The following STPG2 variants were observed in gnomAD, a reference collection of about 807,000 sequenced individuals.
STPG2 encodes the protein sperm-tail PG-rich repeat-containing protein 2.
STPG2 carries 56 observed loss-of-function variants against 54.2 expected under a neutral mutation model. The observed-to-expected ratio is 1.03, with a 90% CI of 0.83 to 1.29. STPG2 has a LOEUF of 1.29. STPG2 is among the 50% of genes most tolerant of loss of function. STPG2 has a pLI of 0.00. For missense variants in STPG2, 596 were observed against 544.9 expected, an observed-to-expected ratio of 1.09 and a Z score of -0.93; for synonymous variants, 200 against 181.8, an observed-to-expected ratio of 1.10 and a Z score of -0.81.
At chr4:97,837,265 T>C (rs1413236153) in intron 9 of STPG2, among the ~76,000 whole-genome samples, 1 of 151,726 alleles carries the variant, frequency 6.6e-6, no homozygotes, top group African/African-American at 2.4e-5. Context: ...ATGGCATGAA[T>C]GCTTGAAACA....
At chr4:97,950,806 A>G (rs745866567) in intron 7 of STPG2, among the ~76,000 whole-genome samples, 4 of 152,194 alleles carry the variant, frequency 2.6e-5, no homozygotes, top group Non-Finnish European at 5.9e-5. Context: ...CCCTTTTCCA[A>G]AACAAACACC....
At chr4:97,812,695 G>C (rs1229375161) in intron 9 of STPG2, among the ~76,000 whole-genome samples, 1 of 152,094 alleles carries the variant, frequency 6.6e-6, no homozygotes, top group Admixed American at 6.6e-5. Context: ...CAGTAGCTTA[G>C]TTCTAGGCCC....
intron 8 of STPG2, among the ~76,000 whole-genome samples, chr4:97,903,748 T>G (rs1280768973): frequency 1.3e-5 from 2 of 152,142 alleles, no homozygotes; most frequent in African/African-American, 2.4e-5. Flanking sequence ...GCGCAAACTG[T>G]GCAGGAGCCG....
chr4:97,584,770 G>GA lies in STPG2; in HGVS notation c.1321-25654dup, dbSNP rs897380037. Among the ~76,000 whole-genome samples, 19 of 151,546 alleles carry GA rather than the reference G, an allele frequency of 1.3e-4. 1 individual carries two copies. Among genetic ancestry groups the GA allele is most frequent in the Admixed American group, 6.6e-4 (10 of 15,144 alleles). On this transcript the variant is annotated intron_variant, in intron 10 of 10. Coordinates refer to ENST00000295268, the MANE Select transcript of STPG2 (RefSeq NM_174952.3). ...ACCTCAAGTAAATCTAGAGGAGATGGAAAAAATCCTCCAAATATACAACCC... is the reference window on the plus strand; with the variant it reads ...ACCTCAAGTAAATCTAGAGGAGATGGAAAAAAATCCTCCAAATATACAACCC...
chr4:98,018,184 C>T (rs1206995289), intron 5 of STPG2, among the ~76,000 whole-genome samples: 1 of 151,176 alleles, frequency 6.6e-6, no homozygotes, highest in Non-Finnish European at 1.5e-5. Flanking sequence ...CACCCCACAA[C>T]AGTCCCCAGA....
chr4:97,905,896 T>C (rs1731395061), intron 8 of STPG2, among the ~76,000 whole-genome samples: 1 of 152,008 alleles, frequency 6.6e-6, no homozygotes, highest in Admixed American at 6.6e-5. Flanking sequence ...TAGAACTAAA[T>C]GCCCACAAGA....
intron 3 of STPG2, 27 bp from the exon 4 acceptor site, chr4:98,109,332 G>A (rs766991631): frequency 1.3e-6 from 2 of 1,518,048 alleles, no homozygotes; most frequent in South Asian, 1.2e-5. Flanking sequence ...TTTAAAAAGT[G>A]AGGATGAAAC....
downstream of STPG2, among the ~76,000 whole-genome samples, chr4:97,557,941 C>A (rs1409156004): frequency 6.6e-6 from 1 of 152,192 alleles, no homozygotes; most frequent in Admixed American, 6.5e-5. Flanking sequence ...AGCAAAGTGA[C>A]ATACACAAAT....
chr4:97,982,907 G>C (rs932622617), intron 5 of STPG2, among the ~76,000 whole-genome samples: 1 of 152,070 alleles, frequency 6.6e-6, no homozygotes, highest in African/African-American at 2.4e-5. Flanking sequence ...GTCTTCACTG[G>C]TAATTTTAAT....
chr4:97,484,753 C>T (rs947531153), intron 4 of STPG2, among the ~76,000 whole-genome samples: 1 of 151,386 alleles, frequency 6.6e-6, no homozygotes, highest in Non-Finnish European at 1.5e-5. Flanking sequence ...AAGGATATAA[C>T]AAAAAAAGAA....
At chr4:97,693,148 AAAG>A (rs1010539297) in intron 10 of STPG2, among the ~76,000 whole-genome samples, 5 of 151,904 alleles carry the variant, frequency 3.3e-5, no homozygotes, top group Non-Finnish European at 5.9e-5. Flanking sequence ...AAAAAAAAAA[AAAG>A]AAAGGTATTC....
At chr4:97,670,154 A>T (rs970678916) in intron 10 of STPG2, among the ~76,000 whole-genome samples, 8 of 152,172 alleles carry the variant, frequency 5.3e-5, no homozygotes, top group Non-Finnish European at 1.2e-4. Flanking sequence ...TTTCAATCTT[A>T]AGGATTCAAA....
At chr4:97,834,711 C>T (rs1259967911) in intron 9 of STPG2, among the ~76,000 whole-genome samples, 1 of 152,026 alleles carries the variant, frequency 6.6e-6, no homozygotes, top group East Asian at 1.9e-4. Flanking sequence ...TTTAGACTAA[C>T]CCTGCTTATT....
intron 7 of STPG2, among the ~76,000 whole-genome samples, chr4:97,963,681 A>G (rs1733983080): frequency 6.6e-6 from 1 of 151,500 alleles, no homozygotes; most frequent in Non-Finnish European, 1.5e-5. Context: ...ATACATATAT[A>G]TGTATTTGAA....
chr4:97,575,634 T>C (rs938138483), intron 10 of STPG2, among the ~76,000 whole-genome samples: 5 of 152,122 alleles, frequency 3.3e-5, no homozygotes, highest in African/African-American at 1.2e-4. Context: ...AAGAGCCATC[T>C]ATGACAAACT....
At chr4:98,060,973 C>G (rs753005159) in intron 5 of STPG2, among the ~76,000 whole-genome samples, 2 of 152,172 alleles carry the variant, frequency 1.3e-5, no homozygotes, top group African/African-American at 2.4e-5. Context: ...CCCTGGAAGA[C>G]AACCTAGACA....
intron 7 of STPG2, among the ~76,000 whole-genome samples, chr4:97,963,616 T>C (rs972653127): frequency 1.3e-5 from 2 of 151,966 alleles, no homozygotes; most frequent in Non-Finnish European, 2.9e-5. Context: ...ACCTGCACCA[T>C]TGCACTCCAG....
At chr4:98,043,614 T>G (rs924057710) in intron 5 of STPG2, among the ~76,000 whole-genome samples, 2 of 151,828 alleles carry the variant, frequency 1.3e-5, no homozygotes, top group African/African-American at 4.8e-5. Flanking sequence ...GCATATTATA[T>G]GCTATTGATG....
At chr4:97,935,415 T>C (rs537478891) in intron 8 of STPG2, among the ~76,000 whole-genome samples, 2 of 152,202 alleles carry the variant, frequency 1.3e-5, no homozygotes, top group Non-Finnish European at 2.9e-5. Context: ...TTTCTTGTCT[T>C]CTGCTAGCTT....
Sources: allele counts gnomAD v4.1 joint callset (sites outside exome capture counted in the v4.1 genomes callset), GRCh38; gene constraint gnomAD v4.1.1; transcripts MANE v1.5; gene names NCBI Gene and HGNC (gene_info 2026-07-23, HGNC 2026-07-21).